DCAF1: variants seen among roughly 807,000 people sequenced by gnomAD.
The protein encoded by DCAF1 is DDB1 and CUL4 associated factor 1.
Under a neutral mutation model 128.0 loss-of-function variants are expected in DCAF1, and 15 were observed. The ratio of observed to expected loss-of-function variants is 0.12; its 90% CI spans 0.08 to 0.18. The LOEUF is 0.18. DCAF1 is among the 10% of genes least tolerant of loss of function. The pLI, the probability that DCAF1 is intolerant of heterozygous loss-of-function variation, is 1.00. For synonymous variants in DCAF1, 610 were observed against 603.0 expected (o/e 1.01, Z -0.17); for missense variants, 988 against 1,649.5 (o/e 0.60, Z 6.95).
Position 51,402,611 on chromosome 3 carries a change from T to C in DCAF1, c.4465+532A>G, listed in dbSNP as rs966175212. Among the ~76,000 whole-genome samples the C allele has an allele frequency of 2.4e-5, 3 of 125,414 alleles. No homozygotes were observed. In the East Asian group the frequency reaches 7.5e-4, roughly 31 times the overall value. The allele number at this position is 125,414 out of a possible 152,430, so 82.3% of individuals were successfully genotyped here. ...TTTTTTGAGATGGAGTCTCACTCTA[T>C]TATCCCAGCCTGGAGTGCAGTGGCA... is the stretch of plus-strand genomic sequence containing the variant. On this transcript the variant is annotated intron_variant, in intron 24 of 24. Coordinates refer to ENST00000684031, the MANE Select transcript of DCAF1 (RefSeq NM_001387579.1).
At chr3:51,489,865 T>C (rs1364861160) in intron 2 of DCAF1, among the ~76,000 whole-genome samples, 1 of 149,430 alleles carries the variant, frequency 6.7e-6, no homozygotes, top group Non-Finnish European at 1.5e-5. Flanking sequence ...ATAGATGGTA[T>C]CCAAGTTGAA....
intron 3 of DCAF1, among the ~76,000 whole-genome samples, chr3:51,480,598 CAAAAAAAA>C (rs34527434): frequency 2.2e-5 from 2 of 92,528 alleles, no homozygotes; most frequent in Non-Finnish European, 3.9e-5. Context: ...GAGTCTGCCT[CAAAAAAAA>C]AAAAAAAAAA....
At chr3:51,401,851 A>C (rs2089724029) in intron 24 of DCAF1, among the ~76,000 whole-genome samples, 1 of 152,234 alleles carries the variant, frequency 6.6e-6, no homozygotes, top group Admixed American at 6.5e-5. Context: ...AACGTTCATT[A>C]AAACTTTGTC....
In DCAF1 at chr3:51,441,900, A is replaced by G. The variant is rs375790769; in HGVS notation, c.514-3T>C. On this transcript the variant is annotated splice_polypyrimidine_tract_variant and splice_region_variant and intron_variant, in intron 7 of 24. Coordinates refer to ENST00000684031, the MANE Select transcript of DCAF1 (RefSeq NM_001387579.1). ...AGTCTTCGAAGCACTATTGCCACCT[A>G]TCAACAGATAATTGGAGAAAAAGGG... is the stretch of plus-strand genomic sequence containing the variant. The G allele has an allele frequency of 1.1e-5, 17 of 1,583,902 alleles. No homozygotes were observed. The highest frequency in any genetic ancestry group is 6.9e-5 in the South Asian group (6 of 87,304).
intron 23 of DCAF1, among the ~76,000 whole-genome samples, chr3:51,409,493 G>A (rs1466053072): frequency 2.0e-5 from 3 of 152,144 alleles, no homozygotes; most frequent in Admixed American, 6.6e-5. Flanking sequence ...TTAAATGCAC[G>A]GATATGGGAG....
chr3:51,423,074 CA>C (rs1178774491), intron 13 of DCAF1, among the ~76,000 whole-genome samples: 6 of 138,630 alleles, frequency 4.3e-5, no homozygotes, highest in African/African-American at 1.3e-4. Context: ...TCTCGAAAAA[CA>C]AAAAAAAAGA....
At chr3:51,397,219 T>C (rs375227755), downstream of DCAF1, 2 of 167,298 alleles carry the variant, frequency 1.2e-5, no homozygotes, top group East Asian at 1.9e-4. Flanking sequence ...AAAGAGACTA[T>C]GGTCTTCTAT....
intron 13 of DCAF1, among the ~76,000 whole-genome samples, chr3:51,426,347 C>T (rs1553634064): frequency 6.6e-6 from 1 of 151,938 alleles, no homozygotes; most frequent in African/African-American, 2.4e-5. Context: ...GTAGCTGGGA[C>T]TACAGGTGCG....
intron 9 of DCAF1, 76 bp from the exon 10 acceptor site, chr3:51,433,340 A>C (rs1700544062): frequency 2.5e-6 from 1 of 397,790 alleles, no homozygotes. Context: ...TATTCAGTTA[A>C]GCTGTTAAAT....
rs1435948304 is a variant in DCAF1, at chr3:51,416,810, C to T, written c.3580G>A (p.Gly1194Ser). Residue 1194 changes from glycine to serine, a missense_variant, in exon 18 of 25, where the codon GGC (glycine) becomes AGC (serine). Coordinates refer to ENST00000684031, the MANE Select transcript of DCAF1 (RefSeq NM_001387579.1). Reference sequence around the variant, plus strand: ...ACGTGGGCAATGTCTCCTTTTGTGCCGATGACCCGATCCTGGGAGTGCTTA... The same window carrying T: ...ACGTGGGCAATGTCTCCTTTTGTGCTGATGACCCGATCCTGGGAGTGCTTA... ...FSKHSQDRVI[G>S]TKGDIAHIYD... 3 of 1,611,354 alleles carry T rather than the reference C, an allele frequency of 1.9e-6. No homozygotes were observed. The highest frequency in any genetic ancestry group is 1.3e-5 in the African/African-American group (1 of 74,860).
chr3:51,457,922 A>G lies in DCAF1; in HGVS notation c.375+5192T>C, dbSNP rs543303127. ...AGAGCTCCTGAAGGAAGCACTAAAC[A>G]TGGAAAGAAACAACCGGTACCAGCC... On this transcript the variant is annotated intron_variant, in intron 6 of 24. Transcript: ENST00000684031. 3.4e-3 allele frequency among the ~76,000 whole-genome samples: 512 copies of G among 152,336 alleles called. 7 individuals are homozygous for G. Among genetic ancestry groups the G allele is most frequent in the African/African-American group, 0.011 (448 of 41,586 alleles).
intron 10 of DCAF1, among the ~76,000 whole-genome samples, chr3:51,432,697 G>A (rs1700496129): frequency 6.6e-6 from 1 of 152,128 alleles, no homozygotes; most frequent in Non-Finnish European, 1.5e-5. Flanking sequence ...GACCTCAGGT[G>A]ATCCACCCAC....
chr3:51,399,174 T>C (rs1553624185), intron 24 of DCAF1, among the ~76,000 whole-genome samples: 2 of 152,114 alleles, frequency 1.3e-5, no homozygotes. Context: ...GAGCAGTGAG[T>C]AAGCCTCCAT....
At chr3:51,396,632 A>G (rs192808368), downstream of DCAF1, 6 of 167,094 alleles carry the variant, frequency 3.6e-5, no homozygotes, top group African/African-American at 1.4e-4. Context: ...CTCCTAAGTG[A>G]CTCCGATTTT....
chr3:51,415,664 A>G (rs1238397656), intron 18 of DCAF1, among the ~76,000 whole-genome samples: 1 of 152,152 alleles, frequency 6.6e-6, no homozygotes, highest in African/African-American at 2.4e-5. Flanking sequence ...CATAGCTCAC[A>G]GCAGCCTCCA....
intron 17 of DCAF1, among the ~76,000 whole-genome samples, chr3:51,417,405 T>A (rs1196760478): frequency 6.6e-6 from 1 of 151,570 alleles, no homozygotes. Context: ...AGTGACAGAA[T>A]GAGACCCCGT....
At chr3:51,428,131 A>C (rs551441250) in intron 12 of DCAF1, among the ~76,000 whole-genome samples, 6 of 152,302 alleles carry the variant, frequency 3.9e-5, no homozygotes, top group South Asian at 2.1e-4. Context: ...TCCTTTGTGC[A>C]TATAAGTTAC....
chr3:51,482,332 C>T (rs1706306110), intron 3 of DCAF1, among the ~76,000 whole-genome samples: 1 of 150,416 alleles, frequency 6.6e-6, no homozygotes, highest in Non-Finnish European at 1.5e-5. Context: ...GTGGTCTCAT[C>T]TAGTAGGGAG....
At chr3:51,406,297 C>T (rs1051532688) in intron 23 of DCAF1, among the ~76,000 whole-genome samples, 6 of 135,202 alleles carry the variant, frequency 4.4e-5, no homozygotes, top group Admixed American at 1.6e-4. Flanking sequence ...GAGCCGAGAT[C>T]GCGCCACTGC....
Sources: gnomAD v4.1 joint callset for allele counts (sites outside exome capture counted in the v4.1 genomes callset) on GRCh38, gnomAD v4.1.1 for gene constraint, MANE v1.5 for transcripts, NCBI Gene and HGNC (gene_info 2026-07-23, HGNC 2026-07-21) for gene names.